DOCK2: variants seen among roughly 807,000 people sequenced by gnomAD.
DOCK2 encodes dedicator of cytokinesis 2, also known as dedicator of cytokinesis protein 2.
A neutral mutation model predicts 248.9 loss-of-function variants in DOCK2; 87 were observed. The ratio of observed to expected loss-of-function variants is 0.35; its 90% confidence interval spans 0.29 to 0.42. The LOEUF (loss-of-function observed/expected upper bound fraction) is 0.42, where lower values mean the gene tolerates loss of function less well. DOCK2 is among the 10% of genes least tolerant of loss of function. The pLI, the probability that DOCK2 is intolerant of heterozygous loss-of-function variation, is 1.00. For synonymous variants in DOCK2, 805 were observed against 821.6 expected (o/e 0.98, Z 0.35); for missense variants, 1,747 against 2,300.2 (o/e 0.76, Z 4.92).
intron 27 of DOCK2, among the ~76,000 whole-genome samples, chr5:169,866,301 TA>T (rs1396381688): frequency 6.6e-6 from 1 of 152,102 alleles, no homozygotes; most frequent in Admixed American, 6.5e-5. Flanking sequence ...TATATTAAAT[TA>T]GAATTGTATT....
chr5:169,904,846 G>T (rs963852143), intron 27 of DOCK2, among the ~76,000 whole-genome samples: 2 of 152,154 alleles, frequency 1.3e-5, no homozygotes, highest in Admixed American at 6.5e-5. Flanking sequence ...GGGAGGGCCT[G>T]CCCAGAAGAC....
At chr5:170,036,399 T>G in intron 35 of DOCK2, 116 bp from the exon 36 acceptor site, 1 of 1,041,068 alleles carries the variant, frequency 9.6e-7, no homozygotes, top group Non-Finnish European at 1.4e-6. Flanking sequence ...CTTATTCCTA[T>G]CTCAGGGTAC....
At chr5:169,929,918 C>T (rs1581432980) in intron 27 of DOCK2, among the ~76,000 whole-genome samples, 1 of 152,120 alleles carries the variant, frequency 6.6e-6, no homozygotes, top group South Asian at 2.1e-4. Context: ...TAAACATATG[C>T]ATATTAAACA....
chr5:169,992,914 C>A (rs939203984), intron 29 of DOCK2, among the ~76,000 whole-genome samples: 2 of 152,170 alleles, frequency 1.3e-5, no homozygotes, highest in Non-Finnish European at 2.9e-5. Flanking sequence ...CTTTGATTTA[C>A]CTGCTACTAA....
chr5:169,942,548 A>C (rs184647581), intron 27 of DOCK2, among the ~76,000 whole-genome samples: 2 of 152,344 alleles, frequency 1.3e-5, no homozygotes, highest in Admixed American at 6.5e-5. Context: ...TTTACAGAAA[A>C]TTGTAATTTT....
chr5:169,685,787 C>T (rs1759936440), intron 8 of DOCK2, among the ~76,000 whole-genome samples: 1 of 152,132 alleles, frequency 6.6e-6, no homozygotes, highest in African/African-American at 2.4e-5. Context: ...GGTTCCGTGT[C>T]ACTAAGATGA....
intron 26 of DOCK2, among the ~76,000 whole-genome samples, chr5:169,808,791 G>A (rs993137003): frequency 1.3e-5 from 2 of 152,126 alleles, no homozygotes; most frequent in East Asian, 3.8e-4. Flanking sequence ...GAGAGTCGTT[G>A]TTTGCTACTC....
intron 25 of DOCK2, chr5:169,779,240 A>G (rs1362874655): frequency 6.6e-6 from 1 of 152,304 alleles, no homozygotes; most frequent in Non-Finnish European, 1.5e-5. Context: ...GCTACTGAGT[A>G]GAAGAGTTAA....
intron 38 of DOCK2, among the ~76,000 whole-genome samples, chr5:170,042,395 CA>C (rs1756550789): frequency 6.6e-6 from 1 of 152,210 alleles, no homozygotes; most frequent in Non-Finnish European, 1.5e-5. Context: ...CTCCATATAG[CA>C]GATAGGATGA....
At chr5:169,641,872 A>G (rs910063508) in intron 1 of DOCK2, among the ~76,000 whole-genome samples, 2 of 152,244 alleles carry the variant, frequency 1.3e-5, no homozygotes, top group African/African-American at 4.8e-5. Flanking sequence ...TTATTTGTTC[A>G]AAGTCCCAAC....
At chr5:169,648,985 TC>T (rs769604190) in intron 1 of DOCK2, among the ~76,000 whole-genome samples, 37 of 152,240 alleles carry the variant, frequency 2.4e-4, no homozygotes, top group Non-Finnish European at 2.6e-4. Flanking sequence ...GCAGTCACCC[TC>T]GTGGATGCAA....
chr5:169,743,050 T>C (rs262833), intron 22 of DOCK2, among the ~76,000 whole-genome samples: 48,935 of 152,110 alleles, frequency 0.32, 11,344 homozygotes, highest in African/African-American at 0.64. Context: ...GTAACAGAGA[T>C]CAAGCGCTAA....
intron 27 of DOCK2, among the ~76,000 whole-genome samples, chr5:169,861,346 G>A (rs958881775): frequency 1.8e-4 from 28 of 152,094 alleles, no homozygotes; most frequent in African/African-American, 3.4e-4. Context: ...ATAATATCCC[G>A]TTTAAAACAG....
At position 169,780,333 on chromosome 5, in the gene DOCK2, G is replaced by A. The variant is rs75967793; in HGVS notation, c.2554+18708G>A. On this transcript the variant is annotated intron_variant, in intron 25 of 51. Coordinates refer to ENST00000520908, the MANE Select transcript of DOCK2 (RefSeq NM_004946.3). Reference sequence around the variant, plus strand: ...TGTGTGTGTGTGTGTGTGTGTGTGTGTGTGTGTTGAATCGTTCTAACACAC... The same window carrying A: ...TGTGTGTGTGTGTGTGTGTGTGTGTATGTGTGTTGAATCGTTCTAACACAC... Among the ~76,000 whole-genome samples, 9 of 145,098 alleles carry A rather than the reference G, an allele frequency of 6.2e-5. No individual in the cohort carries two copies. In the East Asian group the frequency reaches 9.8e-4, roughly 16 times the overall value.
intron 22 of DOCK2, among the ~76,000 whole-genome samples, chr5:169,726,900 G>A (rs1762501204): frequency 6.6e-6 from 1 of 152,118 alleles, no homozygotes; most frequent in African/African-American, 2.4e-5. Context: ...AGGAGGTGAT[G>A]TTTCAAACTA....
At chr5:169,751,586 T>A (rs1763896380) in intron 23 of DOCK2, among the ~76,000 whole-genome samples, 1 of 152,334 alleles carries the variant, frequency 6.6e-6, no homozygotes, top group South Asian at 2.1e-4. Context: ...GTAGAGCAGA[T>A]CTGGTTCAAA....
At chr5:169,801,155 T>G (rs1280931459) in intron 25 of DOCK2, among the ~76,000 whole-genome samples, 3 of 116,132 alleles carry the variant, frequency 2.6e-5, no homozygotes, top group Admixed American at 1.8e-4. Flanking sequence ...GGTTTTTTTT[T>G]TTTTTTTTTT....
At chr5:169,899,881 A>G (rs1200331096) in intron 27 of DOCK2, among the ~76,000 whole-genome samples, 2 of 152,196 alleles carry the variant, frequency 1.3e-5, no homozygotes, top group Admixed American at 1.3e-4. Context: ...TTACAGCCCT[A>G]ATTAATGCTA....
chr5:170,054,930 G>C (rs1221441290), intron 41 of DOCK2, among the ~76,000 whole-genome samples: 1 of 152,130 alleles, frequency 6.6e-6, no homozygotes, highest in African/African-American at 2.4e-5. Flanking sequence ...AGGTTAATAA[G>C]GCAACTCAGT....
Sources: allele counts gnomAD v4.1 joint callset (sites outside exome capture counted in the v4.1 genomes callset), GRCh38; gene constraint gnomAD v4.1.1; transcripts MANE v1.5; gene names NCBI Gene and HGNC (gene_info 2026-07-23, HGNC 2026-07-21).